CDS1: variants seen among roughly 807,000 people sequenced by gnomAD.
The protein encoded by CDS1 is CDP-diacylglycerol synthase 1, also known as phosphatidate cytidylyltransferase 1.
In CDS1, 41 loss-of-function variants were observed where a neutral mutation model predicts 62.1. That is an observed-to-expected ratio of 0.66 (90% CI 0.51 to 0.86). The LOEUF is 0.86. Ranked by LOEUF, CDS1 falls within the 40% of genes least tolerant of loss-of-function variation. The probability of loss-of-function intolerance (pLI) is 0.00; values close to 1 mark genes in which losing one functional copy is unlikely to be tolerated. For synonymous variants in CDS1, 185 were observed against 192.6 expected (o/e 0.96, Z 0.32); for missense variants, 470 against 550.1 (o/e 0.85, Z 1.46).
At chr4:84,624,116 A>C (rs1389627308) in intron 5 of CDS1, among the ~76,000 whole-genome samples, 1 of 150,630 alleles carries the variant, frequency 6.6e-6, no homozygotes, top group Non-Finnish European at 1.5e-5. Context: ...CTAAAAATAC[A>C]AAAAAAAATT....
rs117721225 is a variant in CDS1 at position 84,613,631 on chromosome 4, T to A, written c.343-3933T>A. On this transcript the variant is annotated intron_variant, in intron 3 of 12. Coordinates refer to ENST00000295887, the MANE Select transcript of CDS1 (RefSeq NM_001263.4). ...TCTCAAAAAACAAACAAACAAAACT[T>A]CTAGGAAATTACAGGTACTATTTTA... Among the ~76,000 whole-genome samples the A allele has an allele frequency of 1.1e-3, 165 of 152,166 alleles. 2 individuals carry two copies. The East Asian group carries it at 0.023, about 21-fold the overall frequency.
chr4:84,594,841 C>T (rs1722701049), intron 1 of CDS1, among the ~76,000 whole-genome samples: 1 of 152,112 alleles, frequency 6.6e-6, no homozygotes, highest in Non-Finnish European at 1.5e-5. Context: ...CTCAGCCTCC[C>T]GAGTTCCTGG....
chr4:84,620,840 C>G (rs1360878842), intron 5 of CDS1, among the ~76,000 whole-genome samples: 1 of 152,120 alleles, frequency 6.6e-6, no homozygotes, highest in Non-Finnish European at 1.5e-5. Context: ...GTGCACGGAT[C>G]ACCTGAGTTT....
Position 84,599,911 on chromosome 4 carries a change from G to GTATTTT in CDS1, c.118-4332_118-4331insTATTTT, listed in dbSNP as rs1417339191. Among the ~76,000 whole-genome samples the GTATTTT allele has an allele frequency of 2.0e-5, 3 of 152,042 alleles. No individual in the cohort carries two copies. In the East Asian group the frequency reaches 5.8e-4, roughly 29 times the overall value. ...TGGGTAAATACCTAGGAGTGAAATG[G>GTATTTT]CTGGGTCAGTTGTTGGTTGTATATG... On this transcript the variant is annotated intron_variant, in intron 1 of 12. Transcript: ENST00000295887.
At chr4:84,634,594 C>G (rs1185221411) in intron 7 of CDS1, among the ~76,000 whole-genome samples, 1 of 151,952 alleles carries the variant, frequency 6.6e-6, no homozygotes, top group African/African-American at 2.4e-5. Flanking sequence ...TGGGTTTTGT[C>G]AAGATAAATT....
rs1225426868 is a variant in CDS1, at chr4:84,645,261, G to A, written c.1192G>A (p.Asp398Asn). 6.2e-7 allele frequency: 1 copy of A among 1,612,974 alleles called. No individual in the cohort carries two copies. The highest frequency in any genetic ancestry group is 1.7e-5 in the Admixed American group (1 of 60,006). ...CATTCCTGGACATGGTGGGATAATG[G>A]ACAGATTTGATTGTCAGTATTTGAT... The part of the protein sequence containing the change: ...NTIPGHGGIM[D>N]RFDCQYLMAT... The change falls in exon 12 of 13, where the codon GAC becomes AAC. Residue 398 changes from aspartate (D) to asparagine (N), a missense_variant. By Grantham distance (23) the Asp-to-Asn change is conservative (BLOSUM62 1). Coordinates refer to ENST00000295887, the MANE Select transcript of CDS1 (RefSeq NM_001263.4).
intron 1 of CDS1, among the ~76,000 whole-genome samples, chr4:84,597,909 G>A (rs1423508844): frequency 3.9e-5 from 6 of 151,994 alleles, no homozygotes; most frequent in South Asian, 2.1e-4. Context: ...GGCAGATCAC[G>A]AGGTCAGGAG....
At position 84,643,019 on chromosome 4, in the gene CDS1, TTTA is replaced by T; in HGVS notation, c.1033-4_1033-2del. On this transcript the variant is annotated splice_acceptor_variant and splice_polypyrimidine_tract_variant and intron_variant, in intron 10 of 12. Coordinates refer to ENST00000295887, the MANE Select transcript of CDS1 (RefSeq NM_001263.4). LOFTEE classifies it high-confidence loss of function. ...CCCTCTCCTCCCCTTCTTTCTCCTC[TTTA>T]GGAAAGAGTGAGCTTGTACCCTTTC... is the stretch of plus-strand genomic sequence containing the variant. The T allele has an allele frequency of 6.3e-7, 1 of 1,589,800 alleles. No individual in the cohort carries two copies. The highest frequency in any genetic ancestry group is 8.6e-7 in the Non-Finnish European group (1 of 1,164,784).
intron 3 of CDS1, among the ~76,000 whole-genome samples, 166 bp from the exon 4 acceptor site, chr4:84,617,398 C>T (rs1271512901): frequency 6.6e-6 from 1 of 152,154 alleles, no homozygotes; most frequent in Non-Finnish European, 1.5e-5. Flanking sequence ...TGAGTTATCA[C>T]TTGATTTTAG....
chr4:84,609,387 C>G (rs1009380740), intron 2 of CDS1, 42 bp from the exon 3 acceptor site: 2 of 1,304,080 alleles, frequency 1.5e-6, no homozygotes, highest in African/African-American at 2.9e-5. Flanking sequence ...CACAAAAAAC[C>G]TTAAGAACAC....
At chr4:84,618,877 C>T (rs1203160459) in intron 4 of CDS1, among the ~76,000 whole-genome samples, 1 of 152,074 alleles carries the variant, frequency 6.6e-6, no homozygotes, top group Non-Finnish European at 1.5e-5. Context: ...CTTAGGACTT[C>T]TACTATTAAA....
rs779175772 is a variant in CDS1 at position 84,612,988 on chromosome 4, CA to C, written c.342+3482del. Among the ~76,000 whole-genome samples the C allele has an allele frequency of 9.7e-3, 591 of 60,618 alleles. 1 individual carries two copies. Among genetic ancestry groups the C allele is most frequent in the Non-Finnish European group, 0.013 (375 of 29,406 alleles). The allele number at this position is 60,618 out of a possible 152,430, so 39.8% of individuals were successfully genotyped here. A position where few individuals can be genotyped will look rare whatever the true frequency, so the allele number is the denominator to read the frequency against. ...TGGGTGACAGAGTGAGATCCTGTCT[CA>C]AAAAAAAAAAAAAAAAAAGAATATT... On this transcript the variant is annotated intron_variant, in intron 3 of 12. Transcript: ENST00000295887.
intron 11 of CDS1, among the ~76,000 whole-genome samples, chr4:84,644,123 G>A (rs367639376): frequency 2.0e-4 from 31 of 152,296 alleles, no homozygotes; most frequent in Non-Finnish European, 3.1e-4. Flanking sequence ...CGCGGCCTAC[G>A]GGGTCAGGGA....
intron 5 of CDS1, among the ~76,000 whole-genome samples, chr4:84,619,879 A>G (rs1013800864): frequency 6.6e-5 from 10 of 151,968 alleles, no homozygotes; most frequent in African/African-American, 2.4e-4. Flanking sequence ...CTAAAAATAC[A>G]GAATTAGACG....
chr4:84,597,816 A>G (rs553279474), intron 1 of CDS1, among the ~76,000 whole-genome samples: 2 of 152,166 alleles, frequency 1.3e-5, no homozygotes, highest in East Asian at 3.9e-4. Context: ...AAGAGAAGGA[A>G]TCCATGCCTG....
chr4:84,631,128 GAAATTGC>G (rs565247458), intron 5 of CDS1, among the ~76,000 whole-genome samples: 415 of 152,200 alleles, frequency 2.7e-3, no homozygotes, highest in African/African-American at 9.5e-3. Flanking sequence ...ATGCTTTTGA[GAAATTGC>G]AAATTGTTCT....
Position 84,650,285 on chromosome 4 carries a change from T to TA in CDS1, c.*1599_*1600insA, listed in dbSNP as rs1204010526. On this transcript the variant is annotated 3_prime_UTR_variant, in exon 13 of 13. Transcript: ENST00000295887. ...TTTTATGGTCCAGCATATACTCCAT[T>TA]GATTCATCATCACTGCATGTGTTCA... 1 of 152,158 alleles carries TA rather than the reference T, an allele frequency of 6.6e-6. No individual in the cohort carries two copies. The allele number at this position is 152,158 out of a possible 1,614,324, so 9.4% of individuals were successfully genotyped here.
At chr4:84,619,558 G>C (rs755400754) in intron 5 of CDS1, 25 bp downstream of exon 5, 45 of 1,324,774 alleles carry the variant, frequency 3.4e-5, no homozygotes, top group Admixed American at 2.5e-5. Context: ...ATTCTGTATT[G>C]ATATATAGTT....
At chr4:84,629,784 A>G (rs933174907) in intron 5 of CDS1, among the ~76,000 whole-genome samples, 4 of 152,226 alleles carry the variant, frequency 2.6e-5, no homozygotes, top group Non-Finnish European at 5.9e-5. Flanking sequence ...TGAGTTGCCA[A>G]GGTTGTCCTG....
Sources: gnomAD v4.1 joint callset for allele counts (sites outside exome capture counted in the v4.1 genomes callset) on GRCh38, gnomAD v4.1.1 for gene constraint, MANE v1.5 for transcripts, NCBI Gene and HGNC (gene_info 2026-07-23, HGNC 2026-07-21) for gene names.